LRMDA: variants seen among roughly 807,000 people sequenced by gnomAD.
LRMDA encodes the protein leucine rich melanocyte differentiation associated, also known as leucine-rich melanocyte differentiation-associated protein.
Under a neutral mutation model 29.8 loss-of-function variants are expected in LRMDA, and 18 were observed. That is an observed-to-expected ratio of 0.60 (90% CI 0.42 to 0.90). LRMDA has a LOEUF of 0.90. Ranked by LOEUF, LRMDA falls within the 40% of genes least tolerant of loss-of-function variation. The pLI is 0.00. For synonymous variants in LRMDA, 125 were observed against 109.4 expected, an observed-to-expected ratio of 1.14 and a Z score of -0.89; for missense variants, 273 against 273.9, an observed-to-expected ratio of 1.00 and a Z score of 0.02.
chr10:75,647,794 G>A (rs1262923613), intron 2 of LRMDA, among the ~76,000 whole-genome samples: 1 of 152,154 alleles, frequency 6.6e-6, no homozygotes, highest in Non-Finnish European at 1.5e-5. Flanking sequence ...ATTGGACTTG[G>A]AGAGAGGGAC....
chr10:75,460,744 GA>G lies in LRMDA; in HGVS notation c.131+22251del, dbSNP rs142188021. On this transcript the variant is annotated intron_variant, in intron 2 of 6. Transcript: ENST00000611255. ...CTGTTTTTTTCTCTTAATGTCTCAT[GA>G]TTTTTTTTTGGTTAATTTGGTTTTT... Among the ~76,000 whole-genome samples the G allele has an allele frequency of 8.2e-3, 1,246 of 151,966 alleles. 16 individuals are homozygous for G. Among genetic ancestry groups the G allele is most frequent in the African/African-American group, 0.028 (1,156 of 41,442 alleles).
chr10:76,481,686 T>C (rs538413190), intron 6 of LRMDA, among the ~76,000 whole-genome samples: 3 of 152,082 alleles, frequency 2.0e-5, no homozygotes, highest in African/African-American at 7.2e-5. Flanking sequence ...TTTTTCTTTC[T>C]TAATTCAACT....
At position 76,293,395 on chromosome 10, in the gene LRMDA, A is replaced by C. The variant is rs1589414700; in HGVS notation, c.517-31006A>C. Among the ~76,000 whole-genome samples the C allele has an allele frequency of 2.6e-5, 4 of 152,350 alleles. No individual in the cohort carries two copies. In the South Asian group the frequency reaches 8.3e-4, roughly 32 times the overall value. ...CTTATGATGCTCATGTGTTGATTAG[A>C]CTACCCAAAATGGTAATTTTGTTGA... On this transcript the variant is annotated intron_variant, in intron 5 of 6. Transcript: ENST00000611255.
intron 5 of LRMDA, among the ~76,000 whole-genome samples, chr10:76,216,885 T>C (rs867188314): frequency 2.2e-4 from 34 of 152,070 alleles, no homozygotes; most frequent in Admixed American, 1.0e-3. Context: ...TACCAATGAG[T>C]GAATGAATGA....
intron 5 of LRMDA, among the ~76,000 whole-genome samples, chr10:76,099,859 ACTGT>A (rs1225898983): frequency 6.6e-6 from 1 of 152,162 alleles, no homozygotes; most frequent in Non-Finnish European, 1.5e-5. Context: ...TGCCCAGAAT[ACTGT>A]CTGTTTTAGT....
intron 2 of LRMDA, among the ~76,000 whole-genome samples, chr10:75,709,739 TCGGCCCTTTAAGAGGAAGG>T (rs1439593114): frequency 1.2e-4 from 19 of 152,140 alleles, no homozygotes; most frequent in Non-Finnish European, 2.9e-5. Flanking sequence ...CCCCTTCCAC[TCGGCCCTTTAAGAGGAAGG>T]GGCTCAAGGT....
chr10:75,876,738 C>G (rs1845204602), intron 2 of LRMDA, among the ~76,000 whole-genome samples: 1 of 152,184 alleles, frequency 6.6e-6, no homozygotes, highest in Non-Finnish European at 1.5e-5. Flanking sequence ...ATGTCCTTTT[C>G]TATGAGACTT....
chr10:75,842,570 TAAATG>T (rs1451358903), intron 2 of LRMDA, among the ~76,000 whole-genome samples: 1 of 152,186 alleles, frequency 6.6e-6, no homozygotes, highest in Non-Finnish European at 1.5e-5. Context: ...ATCTTATAAA[TAAATG>T]AAATAAAAGA....
At chr10:75,433,542 TTTTGTTTGTTTG>T (rs556877972) in intron 1 of LRMDA, among the ~76,000 whole-genome samples, 61 of 152,180 alleles carry the variant, frequency 4.0e-4, no homozygotes, top group South Asian at 8.3e-4. Flanking sequence ...GAGGTGGTTT[TTTTGTTTGTTTG>T]TTTGTTTGTT....
At chr10:75,598,075 G>C (rs893827937) in intron 2 of LRMDA, among the ~76,000 whole-genome samples, 1 of 152,216 alleles carries the variant, frequency 6.6e-6, no homozygotes, top group African/African-American at 2.4e-5. Flanking sequence ...TTGAGCAACA[G>C]CAAACCTTAA....
chr10:75,438,928 G>A (rs546597086), intron 2 of LRMDA, among the ~76,000 whole-genome samples: 2 of 152,304 alleles, frequency 1.3e-5, no homozygotes, highest in African/African-American at 4.8e-5. Flanking sequence ...CAGGTAGGGT[G>A]TGTGTATGTG....
At chr10:75,461,391 G>C (rs1440393444) in intron 2 of LRMDA, among the ~76,000 whole-genome samples, 2 of 152,098 alleles carry the variant, frequency 1.3e-5, no homozygotes, top group Non-Finnish European at 2.9e-5. Flanking sequence ...TTCAGAGGTG[G>C]AAGGCAGGAA....
Position 75,843,672 on chromosome 10 carries a change from G to A in LRMDA, c.132-192336G>A, listed in dbSNP as rs549483377. ...GCTCATTATTATGTCATGTTAAAAC[G>A]TTTGTATCAGACCCTTTCTGTGGGC... On this transcript the variant is annotated intron_variant, in intron 2 of 6. Coordinates refer to ENST00000611255, the MANE Select transcript of LRMDA (RefSeq NM_001305581.2). 5.3e-5 allele frequency among the ~76,000 whole-genome samples: 8 copies of A among 152,304 alleles called. No individual in the cohort carries two copies. In the South Asian group the frequency reaches 6.2e-4, roughly 12 times the overall value.
At chr10:76,239,485 C>A (rs953503527) in intron 5 of LRMDA, among the ~76,000 whole-genome samples, 1 of 152,152 alleles carries the variant, frequency 6.6e-6, no homozygotes, top group Non-Finnish European at 1.5e-5. Context: ...CAGCCCATAC[C>A]TTTTATTGCG....
chr10:75,747,918 T>C (rs1842908204), intron 2 of LRMDA, among the ~76,000 whole-genome samples: 1 of 152,148 alleles, frequency 6.6e-6, no homozygotes, highest in Admixed American at 6.5e-5. Context: ...ATTAAGAAAG[T>C]CAAATAGTAT....
intron 2 of LRMDA, among the ~76,000 whole-genome samples, chr10:75,517,913 G>C (rs9951638): frequency 6.6e-6 from 1 of 152,140 alleles, no homozygotes; most frequent in African/African-American, 2.4e-5. Flanking sequence ...AGCATGAAGG[G>C]CTGTTGAATT....
At chr10:75,898,190 A>G (rs1342190831) in intron 2 of LRMDA, among the ~76,000 whole-genome samples, 6 of 152,300 alleles carry the variant, frequency 3.9e-5, no homozygotes, top group East Asian at 3.9e-4. Flanking sequence ...AGTAAAGACT[A>G]TTGGTTTGAA....
chr10:76,070,051 T>G (rs1848850555), intron 5 of LRMDA, among the ~76,000 whole-genome samples: 1 of 152,182 alleles, frequency 6.6e-6, no homozygotes, highest in Non-Finnish European at 1.5e-5. Flanking sequence ...GTTGCCTTAT[T>G]AAAATGGGGA....
chr10:76,002,101 G>A (rs753273458), intron 2 of LRMDA, among the ~76,000 whole-genome samples: 10 of 152,170 alleles, frequency 6.6e-5, no homozygotes, highest in Non-Finnish European at 1.3e-4. Flanking sequence ...AGCCAGCTCT[G>A]TTTCTGGTGA....
Sources: gnomAD v4.1 joint callset for allele counts (sites outside exome capture counted in the v4.1 genomes callset) on GRCh38, gnomAD v4.1.1 for gene constraint, MANE v1.5 for transcripts, NCBI Gene and HGNC (gene_info 2026-07-23, HGNC 2026-07-21) for gene names.